Variants in POU2F1 observed in about 807,000 individuals in gnomAD.
POU2F1 encodes POU domain, class 2, transcription factor 1.
A neutral mutation model predicts 84.9 loss-of-function variants in POU2F1; 16 were observed. The observed-to-expected ratio is 0.19, with a 90% confidence interval of 0.13 to 0.29. POU2F1 has a LOEUF of 0.29. POU2F1 is among the 10% of genes least tolerant of loss of function. POU2F1 has a pLI of 1.00. For missense variants in POU2F1, 738 were observed against 942.6 expected, an observed-to-expected ratio of 0.78 and a Z score of 2.84; for synonymous variants, 368 against 368.3, an observed-to-expected ratio of 1.00 and a Z score of 0.01.
At chr1:167,238,469 T>TA (rs1361021722) in intron 1 of POU2F1, among the ~76,000 whole-genome samples, 1 of 152,132 alleles carries the variant, frequency 6.6e-6, no homozygotes, top group Non-Finnish European at 1.5e-5. Context: ...AGAGGCCTTA[T>TA]AAACAGGACC....
intron 2 of POU2F1, chr1:167,338,042 C>T: frequency 4.6e-6 from 2 of 432,084 alleles, no homozygotes; most frequent in Admixed American, 2.5e-5. Flanking sequence ...CATATAGAAA[C>T]ATTTTTAGAC....
At chr1:167,279,162 T>A (rs747988212) in intron 1 of POU2F1, among the ~76,000 whole-genome samples, 5 of 152,208 alleles carry the variant, frequency 3.3e-5, no homozygotes, top group Non-Finnish European at 7.3e-5. Flanking sequence ...ATATGCAGAA[T>A]CATGGGTAGT....
intron 1 of POU2F1, among the ~76,000 whole-genome samples, chr1:167,255,207 G>A (rs1651040381): frequency 6.6e-6 from 1 of 152,216 alleles, no homozygotes; most frequent in Non-Finnish European, 1.5e-5. Context: ...TTTCATAGAT[G>A]CTGTAAGAGA....
Position 167,419,969 on chromosome 1 carries a change from C to T in POU2F1, c.*4159C>T, listed in dbSNP as rs1351577101. ...ATTGTTGGGGGAAAAAAAAGCACAA[C>T]TATACCTCTTTAATGTTATTTTCTT... On this transcript the variant is annotated 3_prime_UTR_variant, in exon 16 of 16. Coordinates refer to ENST00000367866, the MANE Select transcript of POU2F1 (RefSeq NM_002697.4). 6.6e-6 allele frequency: 1 copy of T among 152,162 alleles called. No homozygotes were observed. Among genetic ancestry groups the T allele is most frequent in the Non-Finnish European group, 1.5e-5 (1 of 68,034 alleles). 9.4% of individuals were successfully genotyped at this position (152,162 alleles called of 1,614,324 possible).
At chr1:167,245,479 T>C in intron 1 of POU2F1, among the ~76,000 whole-genome samples, 1 of 150,922 alleles carries the variant, frequency 6.6e-6, no homozygotes, top group Non-Finnish European at 1.5e-5. Flanking sequence ...AATGGTGTGA[T>C]CTCAGCTCAC....
intron 1 of POU2F1, among the ~76,000 whole-genome samples, chr1:167,277,877 T>C (rs557696212): frequency 6.6e-6 from 1 of 152,358 alleles, no homozygotes; most frequent in East Asian, 1.9e-4. Flanking sequence ...CCTGTCTATT[T>C]GACATCCTTT....
intron 8 of POU2F1, chr1:167,387,350 A>G (rs533022523): frequency 1.8e-5 from 7 of 397,638 alleles, no homozygotes; most frequent in Non-Finnish European, 2.6e-5. Context: ...GTAACTGTCA[A>G]CCAGTTTCGC....
intron 2 of POU2F1, among the ~76,000 whole-genome samples, chr1:167,359,280 A>G (rs1226661974): frequency 1.3e-5 from 2 of 151,930 alleles, no homozygotes; most frequent in African/African-American, 4.8e-5. Flanking sequence ...GAGGTTTGGG[A>G]TTCTAATGAT....
chr1:167,382,459 G>A lies in POU2F1; in HGVS notation c.719-1398G>A, dbSNP rs1647633477. On this transcript the variant is annotated intron_variant, in intron 7 of 15. Coordinates refer to ENST00000367866, the MANE Select transcript of POU2F1 (RefSeq NM_002697.4). ...GTAGCTGGAGTTCAGTGAGTCAAAG[G>A]AAGTGGTAGAAGTTGAGATACGATA... Among the ~76,000 whole-genome samples, 3 of 152,194 alleles carry A rather than the reference G, an allele frequency of 2.0e-5. No homozygotes were observed. In the South Asian group the frequency reaches 6.2e-4, roughly 32 times the overall value.
chr1:167,354,520 G>C (rs1427284937), intron 2 of POU2F1, among the ~76,000 whole-genome samples: 1 of 152,156 alleles, frequency 6.6e-6, no homozygotes, highest in Non-Finnish European at 1.5e-5. Flanking sequence ...TCAGACTCCT[G>C]ACCTCAGGTG....
chr1:167,265,971 C>T (rs1651921340), intron 1 of POU2F1, among the ~76,000 whole-genome samples: 2 of 152,226 alleles, frequency 1.3e-5, no homozygotes, highest in Non-Finnish European at 2.9e-5. Context: ...GACCTGTATA[C>T]TTCTACAACT....
chr1:167,415,760 T>C lies in POU2F1; in HGVS notation c.2251T>C (p.Ser751Pro), dbSNP rs1329558716. 1 of 1,614,126 alleles carries C rather than the reference T, an allele frequency of 6.2e-7. No homozygotes were observed. The highest frequency in any genetic ancestry group is 8.5e-7 in the Non-Finnish European group (1 of 1,180,010). Residue 751 changes from serine to proline, a missense_variant, in exon 16 of 16, where the codon TCT (serine) becomes CCT (proline). This residue lies in a region of POU2F1 where 319 missense variants were observed against 386.0 expected (regional missense o/e 0.83). Coordinates refer to ENST00000367866, the MANE Select transcript of POU2F1 (RefSeq NM_002697.4). ...CCAGAACTCTCTCTTCACAGTGGCC[T>C]CTGCCAGCGGGGCTGCGTCCACCAC... Reference protein sequence around the residue: ...SIQNSLFTVASASGAASTTTT... With the variant: ...SIQNSLFTVAPASGAASTTTT...
chr1:167,382,912 G>T (rs1647669804), intron 7 of POU2F1, among the ~76,000 whole-genome samples: 1 of 152,046 alleles, frequency 6.6e-6, no homozygotes, highest in African/African-American at 2.4e-5. Context: ...CTAATCTCTG[G>T]CAGGCTTAAG....
chr1:167,236,019 C>T (rs757199271), intron 1 of POU2F1, among the ~76,000 whole-genome samples: 1 of 152,122 alleles, frequency 6.6e-6, no homozygotes, highest in Non-Finnish European at 1.5e-5. Flanking sequence ...GTTTCTCCTG[C>T]ACTGTTAACT....
intron 2 of POU2F1, among the ~76,000 whole-genome samples, chr1:167,348,203 G>T (rs972899814): frequency 1.3e-5 from 2 of 152,132 alleles, no homozygotes; most frequent in African/African-American, 4.8e-5. Context: ...TGTACAGTTA[G>T]TATACTGAAT....
At chr1:167,222,700 C>T (rs1235178122) in intron 1 of POU2F1, among the ~76,000 whole-genome samples, 1 of 152,144 alleles carries the variant, frequency 6.6e-6, no homozygotes, top group Non-Finnish European at 1.5e-5. Context: ...TGGGGCTTTA[C>T]TAGCATTAAA....
intron 1 of POU2F1, among the ~76,000 whole-genome samples, chr1:167,257,283 A>G (rs1181646947): frequency 6.6e-6 from 1 of 152,218 alleles, no homozygotes; most frequent in African/African-American, 2.4e-5. Flanking sequence ...AGGATAACTT[A>G]AAAACAACCA....
At chr1:167,320,551 A>T (rs1233492105) in intron 1 of POU2F1, among the ~76,000 whole-genome samples, 3 of 152,230 alleles carry the variant, frequency 2.0e-5, no homozygotes, top group Non-Finnish European at 2.9e-5. Flanking sequence ...AAGAGGGACA[A>T]TAATTTTTCC....
Position 167,416,087 on chromosome 1 carries a change from TAAAAAAA to T in POU2F1, c.*290_*296del, listed in dbSNP as rs34032944. On this transcript the variant is annotated 3_prime_UTR_variant, in exon 16 of 16. Coordinates refer to ENST00000367866, the MANE Select transcript of POU2F1 (RefSeq NM_002697.4). Reference sequence around the variant, plus strand: ...ATTGGAGAACTTTCTAACCAAAAATTAAAAAAAAAAAAAAAAAAAGAAACAAAAAAAT... The same window carrying T: ...ATTGGAGAACTTTCTAACCAAAAATTAAAAAAAAAAAAGAAACAAAAAAAT... 5.7e-6 allele frequency: 2 copies of T among 351,662 alleles called. No homozygotes were observed. The highest frequency in any genetic ancestry group is 3.0e-5 in the African/African-American group (1 of 32,830). 21.8% of individuals were successfully genotyped at this position (351,662 alleles called of 1,614,324 possible).
Sources: allele counts gnomAD v4.1 joint callset (sites outside exome capture counted in the v4.1 genomes callset), GRCh38; gene constraint gnomAD v4.1.1; regional missense constraint gnomAD v4.1.1; transcripts MANE v1.5; gene names NCBI Gene and HGNC (gene_info 2026-07-23, HGNC 2026-07-21).